WLS: variants seen among roughly 807,000 people sequenced by gnomAD.
WLS encodes protein wntless homolog.
A neutral mutation model predicts 62.8 loss-of-function variants in WLS; 23 were observed. That is an observed-to-expected ratio of 0.37 (90% confidence interval 0.26 to 0.52). The LOEUF is 0.52. Among genes scored for constraint, WLS ranks in the 20% least tolerant of loss-of-function variants. The probability of loss-of-function intolerance (pLI) is 0.92; values close to 1 mark genes in which losing one functional copy is unlikely to be tolerated. For missense variants in WLS, 615 were observed against 697.3 expected, an observed-to-expected ratio of 0.88 and a Z score of 1.33; for synonymous variants, 246 against 244.1, an observed-to-expected ratio of 1.01 and a Z score of -0.07.
At chr1:68,180,335 A>G (rs945118967) in intron 2 of WLS, among the ~76,000 whole-genome samples, 33 of 152,120 alleles carry the variant, frequency 2.2e-4, no homozygotes, top group African/African-American at 7.5e-4. Flanking sequence ...ACTTTAATGA[A>G]GGCATAATCT....
chr1:68,184,045 C>T (rs1262602625), intron 2 of WLS, among the ~76,000 whole-genome samples: 1 of 152,116 alleles, frequency 6.6e-6, no homozygotes, highest in Non-Finnish European at 1.5e-5. Context: ...CTGGCTTTCC[C>T]CTACCCTTCA....
intron 2 of WLS, among the ~76,000 whole-genome samples, chr1:68,193,426 A>AAAAAAAAAAG (rs1648466400): frequency 7.8e-6 from 1 of 127,394 alleles, no homozygotes; most frequent in Non-Finnish European, 1.6e-5. Flanking sequence ...AAAAAAAAAA[A>AAAAAAAAAAG]AAAAAAAAAA....
chr1:68,189,813 C>A (rs1027046552), intron 2 of WLS, among the ~76,000 whole-genome samples: 1 of 152,184 alleles, frequency 6.6e-6, no homozygotes, highest in African/African-American at 2.4e-5. Context: ...GTGGGTGGAT[C>A]ACCTAAGGTC....
rs143511210 is a variant in WLS at position 68,211,211 on chromosome 1, A to T, written c.107-16984T>A. Among the ~76,000 whole-genome samples, 369 of 152,186 alleles carry T rather than the reference A, an allele frequency of 2.4e-3. 5 individuals carry two copies. Among genetic ancestry groups the T allele is most frequent in the East Asian group, 0.024 (124 of 5,152 alleles). Reference sequence around the variant, plus strand: ...GGAGAGGACAGGTCTAAACCCAAACATTCCTCTTGGAAAACCGACTACATT... The same window carrying T: ...GGAGAGGACAGGTCTAAACCCAAACTTTCCTCTTGGAAAACCGACTACATT... On this transcript the variant is annotated intron_variant, in intron 1 of 11. Coordinates refer to ENST00000262348, the MANE Select transcript of WLS (RefSeq NM_024911.7).
chr1:68,161,977 T>G, intron 2 of WLS: 2 of 1,607,750 alleles, frequency 1.2e-6, no homozygotes, highest in Non-Finnish European at 1.7e-6. Flanking sequence ...TGCTTGCTGG[T>G]CTATTACTGA....
At chr1:68,182,594 A>G (rs755206768) in intron 2 of WLS, among the ~76,000 whole-genome samples, 3 of 152,204 alleles carry the variant, frequency 2.0e-5, no homozygotes, top group Non-Finnish European at 4.4e-5. Flanking sequence ...CTTGGTTTGA[A>G]GGGGCACACA....
intron 1 of WLS, among the ~76,000 whole-genome samples, chr1:68,225,288 T>C (rs1267466679): frequency 3.3e-5 from 5 of 152,144 alleles, no homozygotes; most frequent in Non-Finnish European, 7.3e-5. Flanking sequence ...GATTCATCAT[T>C]TTATGAGAAG....
exon 12 of WLS, chr1:68,098,646 C>G: frequency 6.2e-7 from 1 of 1,613,814 alleles, no homozygotes; most frequent in Middle Eastern, 1.7e-4. Flanking sequence ...ATACCAGAAG[C>G]TGCGTTGTCA....
chr1:68,200,567 CTTT>C (rs35756608), intron 1 of WLS, among the ~76,000 whole-genome samples: 7 of 135,810 alleles, frequency 5.2e-5, no homozygotes, highest in African/African-American at 1.3e-4. Flanking sequence ...CCAGCTATTG[CTTT>C]TTTTTTTTTT....
chr1:68,135,044 A>C (rs1394701088), intron 11 of WLS, among the ~76,000 whole-genome samples: 3 of 152,220 alleles, frequency 2.0e-5, no homozygotes, highest in African/African-American at 7.2e-5. Context: ...CCTATGACAG[A>C]TATCACTCTC....
At chr1:68,137,482 T>C (rs1434929878) in intron 11 of WLS, among the ~76,000 whole-genome samples, 1 of 152,154 alleles carries the variant, frequency 6.6e-6, no homozygotes, top group South Asian at 2.1e-4. Context: ...TGCTCAAAAA[T>C]GTAAAGAAGA....
intron 2 of WLS, among the ~76,000 whole-genome samples, chr1:68,174,017 CT>C (rs1172420921): frequency 6.6e-6 from 1 of 152,190 alleles, no homozygotes; most frequent in Non-Finnish European, 1.5e-5. Context: ...CAAACCATTT[CT>C]TTCCCTCCCT....
chr1:68,160,115 T>C (rs899397648), intron 2 of WLS, among the ~76,000 whole-genome samples: 1 of 148,008 alleles, frequency 6.8e-6, no homozygotes, highest in African/African-American at 2.5e-5. Flanking sequence ...TTTAATTCTA[T>C]TTAAAAAGAA....
intron 2 of WLS, chr1:68,162,260 C>T (rs1808596): frequency 0.12 from 185,509 of 1,572,936 alleles, 14,278 homozygotes; most frequent in East Asian, 0.38. Context: ...AAGGCTTTCT[C>T]GTCCACCAGG....
At chr1:68,207,194 A>G (rs1453836716) in intron 1 of WLS, among the ~76,000 whole-genome samples, 30 of 152,234 alleles carry the variant, frequency 2.0e-4, no homozygotes, top group Admixed American at 1.8e-3. Flanking sequence ...GTCTAATCCA[A>G]TAATAATAAA....
At chr1:68,186,516 G>A (rs1647949398) in intron 2 of WLS, 1 of 389,686 alleles carries the variant, frequency 2.6e-6, no homozygotes, top group Non-Finnish European at 5.1e-6. Flanking sequence ...AAAAAAAAAT[G>A]GATTGGTCTT....
intron 11 of WLS, chr1:68,117,622 A>G (rs1366750067): frequency 6.6e-6 from 1 of 152,354 alleles, no homozygotes; most frequent in Non-Finnish European, 1.5e-5. Flanking sequence ...TCCTCGGCTC[A>G]CTGAGCCCGT....
chr1:68,222,019 A>G (rs891780000), intron 1 of WLS, among the ~76,000 whole-genome samples: 1 of 152,324 alleles, frequency 6.6e-6, no homozygotes, highest in South Asian at 2.1e-4. Flanking sequence ...AAATTCGACC[A>G]AAATATATAG....
rs1446299201 is a variant in WLS, at chr1:68,159,211, G to A, written c.416C>T (p.Ala139Val). The A allele has an allele frequency of 6.2e-7, 1 of 1,614,112 alleles. No homozygotes were observed. The highest frequency in any genetic ancestry group is 8.5e-7 in the Non-Finnish European group (1 of 1,179,992). ...NAEVSMDVSL[A>V]YRDDAFAEWT... Reference sequence around the variant, plus strand: ...CTCAGCAAACGCGTCATCACGGTAAGCCAGGGAAACGTCCATGGAGACTTC... The same window carrying A: ...CTCAGCAAACGCGTCATCACGGTAAACCAGGGAAACGTCCATGGAGACTTC... Residue 139 changes from alanine to valine, a missense_variant, in exon 3 of 12, where the codon GCT becomes GTT. By Grantham distance (64) the Ala-to-Val change is moderately conservative. Coordinates refer to ENST00000262348, the MANE Select transcript of WLS (RefSeq NM_024911.7).
Sources: gnomAD v4.1 joint callset for allele counts (sites outside exome capture counted in the v4.1 genomes callset) on GRCh38, gnomAD v4.1.1 for gene constraint, MANE v1.5 for transcripts, NCBI Gene and HGNC (gene_info 2026-07-23, HGNC 2026-07-21) for gene names.